The following MAP4K4 variants were observed in gnomAD, a reference collection of about 807,000 sequenced individuals.
MAP4K4 encodes mitogen-activated protein kinase kinase kinase kinase 4, also known as HPK/GCK-like kinase HGK.
In MAP4K4, 38 loss-of-function variants were observed where a neutral mutation model predicts 189.6. The ratio of observed to expected loss-of-function variants is 0.20; its 90% CI spans 0.15 to 0.26. MAP4K4 has a LOEUF of 0.26. MAP4K4 is among the 10% of genes least tolerant of loss of function. MAP4K4 has a pLI of 1.00. For missense variants in MAP4K4, 1,054 were observed against 1,726.9 expected (o/e 0.61, Z 6.91); for synonymous variants, 610 against 624.3 (o/e 0.98, Z 0.34).
chr2:101,749,648 A>G (rs1467659717), intron 2 of MAP4K4, among the ~76,000 whole-genome samples: 5 of 146,268 alleles, frequency 3.4e-5, no homozygotes, highest in Admixed American at 3.4e-4. Context: ...ACAAAAGCCA[A>G]AATTGACAAA....
At chr2:101,783,685 C>T (rs1426436564) in intron 2 of MAP4K4, among the ~76,000 whole-genome samples, 1 of 152,162 alleles carries the variant, frequency 6.6e-6, no homozygotes, top group Non-Finnish European at 1.5e-5. Flanking sequence ...TTAACACTCC[C>T]AAGCCAACAG....
At chr2:101,863,593 A>C (rs982503279) in intron 16 of MAP4K4, among the ~76,000 whole-genome samples, 1 of 152,188 alleles carries the variant, frequency 6.6e-6, no homozygotes, top group Non-Finnish European at 1.5e-5. Context: ...TCTGGATATT[A>C]AAAAGAGTTT....
At chr2:101,839,888 G>A (rs769374977) in exon 10 of MAP4K4, 1 of 1,613,832 alleles carries the variant, frequency 6.2e-7, no homozygotes, top group Non-Finnish European at 8.5e-7. Context: ...CCTCTACAGA[G>A]CAGCTTTTGA....
intron 2 of MAP4K4, among the ~76,000 whole-genome samples, chr2:101,731,274 G>C (rs1409391457): frequency 6.6e-6 from 1 of 151,388 alleles, no homozygotes; most frequent in African/African-American, 2.4e-5. Flanking sequence ...GTGCCACCAT[G>C]CCTGGCTCAT....
intron 2 of MAP4K4, among the ~76,000 whole-genome samples, chr2:101,727,700 G>A (rs1174716418): frequency 6.6e-6 from 1 of 152,260 alleles, no homozygotes; most frequent in Non-Finnish European, 1.5e-5. Context: ...CGGGCACAGT[G>A]GCTCATGCCT....
exon 7 of MAP4K4, chr2:101,831,786 C>T: frequency 6.2e-7 from 1 of 1,610,784 alleles, no homozygotes; most frequent in Non-Finnish European, 8.5e-7. Flanking sequence ...CATAGGCACT[C>T]CCTACTGGAT....
intron 31 of MAP4K4, among the ~76,000 whole-genome samples, chr2:101,888,459 CACT>C: frequency 6.6e-6 from 1 of 152,152 alleles, no homozygotes; most frequent in Non-Finnish European, 1.5e-5. Flanking sequence ...TGTCTCTGAT[CACT>C]CATGATTTCT....
chr2:101,856,849 G>C (rs1467044509), intron 13 of MAP4K4, among the ~76,000 whole-genome samples: 1 of 152,104 alleles, frequency 6.6e-6, no homozygotes, highest in African/African-American at 2.4e-5. Flanking sequence ...AATAGCACTT[G>C]GTATCTGTAT....
chr2:101,822,394 A>T (rs1026473544), intron 3 of MAP4K4, among the ~76,000 whole-genome samples: 1 of 152,230 alleles, frequency 6.6e-6, no homozygotes, highest in South Asian at 2.1e-4. Flanking sequence ...TGACTGTAGT[A>T]TAATACTCCA....
At chr2:101,773,997 A>G (rs941827153) in intron 2 of MAP4K4, among the ~76,000 whole-genome samples, 6 of 152,188 alleles carry the variant, frequency 3.9e-5, no homozygotes, top group Non-Finnish European at 5.9e-5. Flanking sequence ...AATCTTAGCT[A>G]TTGTGAACAG....
Position 101,878,661 on chromosome 2 carries a change from T to G in MAP4K4, c.3385+1515T>G, listed in dbSNP as rs2098282649. 2.0e-5 allele frequency among the ~76,000 whole-genome samples: 3 copies of G among 152,318 alleles called. No individual in the cohort carries two copies. The South Asian group carries it at 6.2e-4, about 32-fold the overall frequency. ...ATACCATGTTGCATAGATCATAATT[T>G]CCTAATAATTAGTGTTATTCCTTGG... On this transcript the variant is annotated intron_variant, in intron 27 of 32. Transcript: ENST00000324219.
chr2:101,816,199 C>T (rs954604956), intron 3 of MAP4K4, among the ~76,000 whole-genome samples: 1 of 152,168 alleles, frequency 6.6e-6, no homozygotes, highest in Non-Finnish European at 1.5e-5. Flanking sequence ...TAAGCGCTTT[C>T]GTATATTTTG....
chr2:101,704,697 C>T (rs922263690), intron 2 of MAP4K4, among the ~76,000 whole-genome samples: 1 of 149,258 alleles, frequency 6.7e-6, no homozygotes, highest in East Asian at 2.0e-4. Flanking sequence ...GTAGCTGGGA[C>T]TACAGGTGCA....
intron 3 of MAP4K4, among the ~76,000 whole-genome samples, chr2:101,810,610 A>G (rs2149136423): frequency 6.6e-6 from 1 of 152,284 alleles, no homozygotes; most frequent in Admixed American, 6.5e-5. Flanking sequence ...TCTTCAGTGA[A>G]ATTTACCACT....
rs528829637 is a variant in MAP4K4, at chr2:101,822,549, G to C, written c.181-1379G>C. On this transcript the variant is annotated intron_variant, in intron 3 of 32. Transcript: ENST00000324219. ...ATTTTAAAAATTATTTTTCCCATCT[G>C]ATCTTATCATTTATATCTAATTAAT... is the stretch of plus-strand genomic sequence containing the variant. Among the ~76,000 whole-genome samples the C allele has an allele frequency of 2.6e-5, 4 of 152,268 alleles. No individual in the cohort carries two copies. The East Asian group carries it at 7.7e-4, about 29-fold the overall frequency.
rs1056226496 is a variant in MAP4K4 at position 101,864,984 on chromosome 2, C to T, written c.2152C>T (p.Leu718=). ...TGTTCTGTCCCGTCGAGATTCCCCA[C>T]TGCAGGGCAGTGGGCAGCAGAATAG... The change falls in exon 18 of 33, where the codon CTG becomes TTG. Residue 718 remains leucine, a synonymous_variant. Coordinates refer to ENST00000324219, the Ensembl canonical transcript of MAP4K4. The T allele has an allele frequency of 3.8e-6, 6 of 1,579,952 alleles. No homozygotes were observed. The African/African-American group carries it at 5.4e-5, about 14-fold the overall frequency.
chr2:101,716,300 G>A (rs1015186740), intron 2 of MAP4K4, among the ~76,000 whole-genome samples: 2 of 152,138 alleles, frequency 1.3e-5, no homozygotes, highest in Non-Finnish European at 2.9e-5. Flanking sequence ...AAAATTAGCC[G>A]GGCGTGGTGG....
intron 2 of MAP4K4, among the ~76,000 whole-genome samples, chr2:101,713,709 G>A (rs1416381510): frequency 2.2e-5 from 3 of 138,298 alleles, no homozygotes; most frequent in African/African-American, 7.5e-5. Flanking sequence ...AGCCTCACCA[G>A]CATGGCGAAA....
chr2:101,730,399 G>A (rs1376630771), intron 2 of MAP4K4, among the ~76,000 whole-genome samples: 2 of 152,158 alleles, frequency 1.3e-5, no homozygotes, highest in Non-Finnish European at 2.9e-5. Context: ...TGGGGTTGTG[G>A]TAGGGACAGT....
Sources: gnomAD v4.1 joint callset for allele counts (sites outside exome capture counted in the v4.1 genomes callset) on GRCh38, gnomAD v4.1.1 for gene constraint, MANE v1.5 for transcripts, NCBI Gene and HGNC (gene_info 2026-07-23, HGNC 2026-07-21) for gene names.